The following DIPK2B variants were observed in gnomAD, a reference collection of about 807,000 sequenced individuals.
The protein encoded by DIPK2B is UPF0672 protein CXorf36.
Under a neutral mutation model 22.2 loss-of-function variants are expected in DIPK2B, and 15 were observed. The ratio of observed to expected loss-of-function variants is 0.68; its 90% CI spans 0.45 to 1.04. DIPK2B has a LOEUF of 1.04. Ranked by LOEUF, DIPK2B falls within the 50% of genes least tolerant of loss-of-function variation. DIPK2B has a pLI of 0.00. For synonymous variants in DIPK2B, 163 were observed against 153.2 expected, an observed-to-expected ratio of 1.06 and a Z score of -0.47; for missense variants, 345 against 348.3, an observed-to-expected ratio of 0.99 and a Z score of 0.08.
intron 2 of DIPK2B, among the ~76,000 whole-genome samples, chrX:45,188,090 A>G (rs760000073): frequency 7.1e-5 from 8 of 111,952 alleles, no homozygotes; most frequent in African/African-American, 2.6e-4. Context: ...CACGCATCCT[A>G]TAATAGCTCC....
At position 45,149,758 on chromosome X, in the gene DIPK2B, T is replaced by C. The variant is rs1159557044; in HGVS notation, c.*1894A>G. ...CTTAGCAAGCTCCTACTGGACCTTC[T>C]CTCCTTCACTGGGGCTCAGCTTGCA... On this transcript the variant is annotated 3_prime_UTR_variant, in exon 5 of 5. Coordinates refer to ENST00000398000, the MANE Select transcript of DIPK2B (RefSeq NM_176819.4). 1.8e-5 allele frequency: 2 copies of C among 112,518 alleles called. No individual in the cohort carries two copies. Among genetic ancestry groups the C allele is most frequent in the Non-Finnish European group, 3.8e-5 (2 of 53,265 alleles). 9.3% of individuals were successfully genotyped at this position (112,518 alleles called of 1,213,427 possible).
At chrX:45,199,449 A>G (rs1486697078) in intron 1 of DIPK2B, among the ~76,000 whole-genome samples, 1 of 110,950 alleles carries the variant, frequency 9.0e-6, no homozygotes, top group Admixed American at 9.6e-5. Flanking sequence ...TGGCATGGCA[A>G]TTAAAGACCC....
At chrX:45,162,958 A>C (rs2047029749) in intron 2 of DIPK2B, 1 of 752,099 alleles carries the variant, frequency 1.3e-6, no homozygotes, top group Admixed American at 8.8e-5. Flanking sequence ...AAGACGGTCG[A>C]TAAAATTTAG....
At chrX:45,187,853 C>T (rs1305836902) in intron 2 of DIPK2B, among the ~76,000 whole-genome samples, 1 of 110,900 alleles carries the variant, frequency 9.0e-6, no homozygotes, top group Non-Finnish European at 1.9e-5. Flanking sequence ...CCGTGAGCTC[C>T]TTGTGGCATC....
At chrX:45,176,341 A>G in intron 2 of DIPK2B, among the ~76,000 whole-genome samples, 1 of 111,776 alleles carries the variant, frequency 8.9e-6, no homozygotes, top group Admixed American at 9.5e-5. Flanking sequence ...TGAGGAAAGG[A>G]CTATAGTTTT....
intron 2 of DIPK2B, among the ~76,000 whole-genome samples, chrX:45,174,596 A>G (rs1372456579): frequency 9.1e-6 from 1 of 109,656 alleles, no homozygotes; most frequent in African/African-American, 3.3e-5. Context: ...GCAGGTGGAG[A>G]TCTAGTATCA....
rs1422748843 is a variant in DIPK2B, at chrX:45,163,069, A to G, written c.499-5181T>C. 7.7e-6 allele frequency: 3 copies of G among 390,318 alleles called. No individual in the cohort carries two copies. The African/African-American group carries it at 8.3e-5, about 11-fold the overall frequency. The allele number at this position is 390,318 out of a possible 1,213,427, so 32.2% of individuals were successfully genotyped here. On this transcript the variant is annotated intron_variant, in intron 2 of 4. Coordinates refer to ENST00000398000, the MANE Select transcript of DIPK2B (RefSeq NM_176819.4). ...CTAATCTAGGTGTTGCTGTGAAGGC[A>G]TTTCATAGATGTGATTAGCACCTAC...
intron 2 of DIPK2B, among the ~76,000 whole-genome samples, chrX:45,160,370 G>C (rs1376954460): frequency 9.1e-6 from 1 of 110,343 alleles, no homozygotes; most frequent in Non-Finnish European, 1.9e-5. Context: ...GCCATGCCTG[G>C]CTAATTTTTT....
At chrX:45,185,112 TTG>T (rs1215511628) in intron 2 of DIPK2B, among the ~76,000 whole-genome samples, 1 of 112,219 alleles carries the variant, frequency 8.9e-6, no homozygotes, top group Non-Finnish European at 1.9e-5. Context: ...GCCACAAATA[TTG>T]TGTTAGAACA....
At chrX:45,174,641 G>A (rs2047106322) in intron 2 of DIPK2B, among the ~76,000 whole-genome samples, 2 of 110,028 alleles carry the variant, frequency 1.8e-5, no homozygotes, top group Non-Finnish European at 1.9e-5. Flanking sequence ...ATTGAGCAAA[G>A]GCAAGGAGCA....
intron 2 of DIPK2B, among the ~76,000 whole-genome samples, chrX:45,175,384 T>C (rs1473495620): frequency 9.0e-6 from 1 of 110,581 alleles, no homozygotes; most frequent in Non-Finnish European, 1.9e-5. Context: ...ATGGAGGCTA[T>C]TATGAGATAT....
chrX:45,200,765 A>G lies in DIPK2B; in HGVS notation c.62T>C (p.Leu21Pro), dbSNP rs773631736. 8.3e-7 allele frequency: 1 copy of G among 1,210,279 alleles called. No individual in the cohort carries two copies. The highest frequency in any genetic ancestry group is 1.1e-6 in the Non-Finnish European group (1 of 894,541). The change falls in exon 1 of 5, where the codon CTG becomes CCG. Residue 21 changes from leucine to proline, a missense_variant. Physicochemically the swap from Leu to Pro is moderately conservative, Grantham distance 98. Transcript: ENST00000398000. The stretch of plus-strand genomic sequence containing the variant: ...AGAACAGCTCAGGGCTGAGACCCAC[A>G]GCAGCAGGGCCAGCCAGCCAGGGCG... ...ALRPGWLALL[L>P]WVSALSCSFS...
intron 2 of DIPK2B, among the ~76,000 whole-genome samples, chrX:45,179,965 T>C (rs1332872907): frequency 9.0e-6 from 1 of 111,712 alleles, no homozygotes; most frequent in Non-Finnish European, 1.9e-5. Flanking sequence ...AACTTATAGC[T>C]AACATTCCTG....
At position 45,191,851 on chromosome X, in the gene DIPK2B, G is replaced by T. The variant is rs34834703; in HGVS notation, c.398C>A (p.Ala133Glu). 3.4e-3 allele frequency: 4,083 copies of T among 1,210,567 alleles called. 89 individuals are homozygous for T. In the African/African-American group the frequency reaches 0.061, roughly 18 times the overall value. The stretch of plus-strand genomic sequence containing the variant: ...AATGCTGCAGGTCTTTGGGGCTGAT[G>T]CAGAGGCACAGATTCTCCTGTCTGA... The part of the protein sequence containing the change: ...EISDRRICAS[A>E]SAPKTCSIER... Residue 133 changes from alanine (A) to glutamate (E), a missense_variant, in exon 2 of 5, where the codon GCA becomes GAA. Physicochemically the swap from Ala to Glu is moderately radical, Grantham distance 107. Coordinates refer to ENST00000398000, the MANE Select transcript of DIPK2B (RefSeq NM_176819.4).
intron 2 of DIPK2B, among the ~76,000 whole-genome samples, chrX:45,165,770 G>T (rs2047045442): frequency 8.9e-6 from 1 of 112,266 alleles, no homozygotes; most frequent in Non-Finnish European, 1.9e-5. Flanking sequence ...CTCTACTGCT[G>T]CTTCTCCAGC....
chrX:45,191,708 C>T (rs372915288), intron 2 of DIPK2B, 43 bp downstream of exon 2: 5 of 1,169,686 alleles, frequency 4.3e-6, no homozygotes, highest in Non-Finnish European at 4.6e-6. Flanking sequence ...CTCTCTTTCT[C>T]ATCATCCCCT....
At chrX:45,152,878 C>T (rs1289489005) in intron 4 of DIPK2B, among the ~76,000 whole-genome samples, 4 of 111,597 alleles carry the variant, frequency 3.6e-5, no homozygotes, top group Non-Finnish European at 7.5e-5. Flanking sequence ...TTGCAGTGAG[C>T]CAAGAATGTA....
chrX:45,184,472 G>A (rs2047170560), intron 2 of DIPK2B, among the ~76,000 whole-genome samples: 1 of 111,757 alleles, frequency 8.9e-6, no homozygotes, highest in Non-Finnish European at 1.9e-5. Context: ...TCAGTAAGTA[G>A]AAATAGATTT....
intron 2 of DIPK2B, among the ~76,000 whole-genome samples, chrX:45,172,666 A>T (rs952555362): frequency 8.0e-5 from 9 of 111,957 alleles, no homozygotes; most frequent in Non-Finnish European, 1.1e-4. Context: ...TGAAATAATC[A>T]TTCTGGCAGG....
Sources: gnomAD v4.1 joint callset for allele counts (sites outside exome capture counted in the v4.1 genomes callset) on GRCh38, gnomAD v4.1.1 for gene constraint, MANE v1.5 for transcripts, NCBI Gene and HGNC (gene_info 2026-07-23, HGNC 2026-07-21) for gene names.